LRP2: variants seen among roughly 807,000 people sequenced by gnomAD.
LRP2 encodes low-density lipoprotein receptor-related protein 2.
Under a neutral mutation model 531.0 loss-of-function variants are expected in LRP2, and 172 were observed. That is an observed-to-expected ratio of 0.32 (90% CI 0.29 to 0.37). The LOEUF (loss-of-function observed/expected upper bound fraction) is 0.37. LRP2 is among the 10% of genes least tolerant of loss of function. The pLI is 1.00. For synonymous variants in LRP2, 1,992 were observed against 2,027.6 expected (o/e 0.98, Z 0.47); for missense variants, 5,167 against 5,868.3 (o/e 0.88, Z 3.90).
intron 63 of LRP2, among the ~76,000 whole-genome samples, chr2:169,159,491 C>G (rs1432308525): frequency 6.6e-6 from 1 of 152,128 alleles, no homozygotes; most frequent in Non-Finnish European, 1.5e-5. Flanking sequence ...GCATGAAAGT[C>G]TTATAATAAA....
chr2:169,350,537 A>T (rs746981482), intron 1 of LRP2, among the ~76,000 whole-genome samples: 1 of 152,042 alleles, frequency 6.6e-6, no homozygotes, highest in Non-Finnish European at 1.5e-5. Flanking sequence ...CAGCCTGACC[A>T]GCATGGCAAA....
At chr2:169,285,153 TAAAAAA>T (rs58043794) in intron 9 of LRP2, among the ~76,000 whole-genome samples, 1,394 of 134,692 alleles carry the variant, frequency 0.01, 29 homozygotes, top group African/African-American at 0.033. Flanking sequence ...TACTAAGAAT[TAAAAAA>T]AAAAAAAAAA....
intron 13 of LRP2, among the ~76,000 whole-genome samples, chr2:169,276,433 TAA>T (rs1264077903): frequency 4.6e-5 from 7 of 152,208 alleles, no homozygotes; most frequent in Admixed American, 6.6e-5. Flanking sequence ...AATATAATGC[TAA>T]AACATCCCAA....
At chr2:169,329,354 C>T (rs894637910) in intron 1 of LRP2, among the ~76,000 whole-genome samples, 2 of 152,034 alleles carry the variant, frequency 1.3e-5, no homozygotes, top group Non-Finnish European at 2.9e-5. Context: ...ACCAGCCTGG[C>T]CAACATGGTG....
Position 169,201,659 on chromosome 2 carries a change from A to G in LRP2, c.8421T>C (p.His2807=). The G allele has an allele frequency of 6.2e-7, 1 of 1,614,160 alleles. No individual in the cohort carries two copies. Among genetic ancestry groups the G allele is most frequent in the Non-Finnish European group, 8.5e-7 (1 of 1,180,008 alleles). ...EFICNGVDNC[H]DNNTSDEKNC... The stretch of plus-strand genomic sequence containing the variant: ...TTTTCTCATCTGAAGTGTTATTATC[A>G]TGGCAGTTGTCTACACCATTGCAGA... The change falls in exon 44 of 79, where the codon CAT becomes CAC. Residue 2807 remains histidine, a synonymous_variant. Transcript: ENST00000649046.
intron 4 of LRP2, among the ~76,000 whole-genome samples, chr2:169,304,813 C>A (rs1296210012): frequency 1.3e-5 from 2 of 152,094 alleles, no homozygotes; most frequent in Non-Finnish European, 2.9e-5. Flanking sequence ...TGGAACCAAC[C>A]CAAATGCCTA....
At chr2:169,168,417 G>T in intron 61 of LRP2, 122 bp downstream of exon 61, 1 of 1,218,968 alleles carries the variant, frequency 8.2e-7, no homozygotes, top group Non-Finnish European at 1.2e-6. Flanking sequence ...CACCAACGCT[G>T]ATCCTGTGTC....
intron 1 of LRP2, among the ~76,000 whole-genome samples, chr2:169,347,168 A>T (rs377174126): frequency 6.6e-6 from 1 of 152,148 alleles, no homozygotes; most frequent in African/African-American, 2.4e-5. Context: ...TTACTATCTC[A>T]ACTAACTACT....
chr2:169,241,543 A>G (rs192959772), intron 24 of LRP2, among the ~76,000 whole-genome samples, 178 bp from the exon 25 acceptor site: 1 of 152,318 alleles, frequency 6.6e-6, no homozygotes, highest in African/African-American at 2.4e-5. Flanking sequence ...GTACATAGAA[A>G]TATTTCTTTG....
chr2:169,178,524 C>A (rs141997958), intron 52 of LRP2, among the ~76,000 whole-genome samples: 31 of 152,286 alleles, frequency 2.0e-4, no homozygotes, highest in Non-Finnish European at 3.7e-4. Context: ...CTCAGTATAA[C>A]CTGAGGGGAA....
intron 16 of LRP2, among the ~76,000 whole-genome samples, chr2:169,265,736 T>C (rs1404542816): frequency 1.3e-5 from 2 of 152,036 alleles, no homozygotes; most frequent in Non-Finnish European, 2.9e-5. Flanking sequence ...CACCTACTTA[T>C]GTTTCTCAGG....
Position 169,246,999 on chromosome 2 carries a change from A to G in LRP2, c.2909-13T>C, listed in dbSNP as rs2105394087. ...CAGGCGTTAGAACCTGCAAAAGCAAAGCCCCGAGGGAGTCAGTCATGTACA... is the reference window on the plus strand; with the variant it reads ...CAGGCGTTAGAACCTGCAAAAGCAAGGCCCCGAGGGAGTCAGTCATGTACA... On this transcript the variant is annotated splice_polypyrimidine_tract_variant and intron_variant, in intron 20 of 78. Coordinates refer to ENST00000649046, the MANE Select transcript of LRP2 (RefSeq NM_004525.3). 1 of 1,613,806 alleles carries G rather than the reference A, an allele frequency of 6.2e-7. No homozygotes were observed. The highest frequency in any genetic ancestry group is 2.2e-5 in the East Asian group (1 of 44,880).
Position 169,213,765 on chromosome 2 carries a change from C to T in LRP2, c.5932G>A (p.Glu1978Lys), listed in dbSNP as rs1357352135. 2 of 1,610,354 alleles carry T rather than the reference C, an allele frequency of 1.2e-6. No individual in the cohort carries two copies. The highest frequency in any genetic ancestry group is 1.1e-5 in the South Asian group (1 of 91,004). ...ACTCTTTCAATGACCTCATACTGTTCATCAGTATAATAAAGGAAAGAATCA... is the reference window on the plus strand; with the variant it reads ...ACTCTTTCAATGACCTCATACTGTTTATCAGTATAATAAAGGAAAGAATCA... ...VHDSFLYYTDEQYEVIERVDK... is the reference protein window; with the variant it reads ...VHDSFLYYTDKQYEVIERVDK... Residue 1978 changes from glutamate (E) to lysine (K), a missense_variant, in exon 36 of 79, where the codon GAA (glutamate) becomes AAA (lysine). Glu to Lys is a moderately conservative substitution (Grantham distance 56, BLOSUM62 1). Coordinates refer to ENST00000649046, the MANE Select transcript of LRP2 (RefSeq NM_004525.3).
rs905203438 is a variant in LRP2, at chr2:169,287,912, T to C, written c.1042+1114A>G. Among the ~76,000 whole-genome samples, 97 of 150,152 alleles carry C rather than the reference T, an allele frequency of 6.5e-4. 1 individual carries two copies. The highest frequency in any genetic ancestry group is 1.7e-3 in the Admixed American group (26 of 15,146). On this transcript the variant is annotated intron_variant, in intron 9 of 78. Coordinates refer to ENST00000649046, the MANE Select transcript of LRP2 (RefSeq NM_004525.3). ...AATAATAATTTCAGAAGAAATACTT[T>C]TCTAGAAGCATTTCTTACACATTTC...
intron 22 of LRP2, among the ~76,000 whole-genome samples, chr2:169,244,334 A>G (rs1003043161): frequency 3.3e-5 from 5 of 152,258 alleles, no homozygotes; most frequent in African/African-American, 1.2e-4. Flanking sequence ...AAGAAACATC[A>G]ATAGCCAAAG....
intron 1 of LRP2, among the ~76,000 whole-genome samples, chr2:169,358,620 A>C (rs758489921): frequency 6.6e-6 from 1 of 152,194 alleles, no homozygotes; most frequent in Non-Finnish European, 1.5e-5. Context: ...TAAACATATA[A>C]ACTTCATGTG....
chr2:169,327,133 T>TG (rs1321092114), intron 1 of LRP2, among the ~76,000 whole-genome samples: 4 of 102,894 alleles, frequency 3.9e-5, no homozygotes, highest in Admixed American at 2.9e-4. Flanking sequence ...GGGAGGGAGG[T>TG]GGGGGGGTCA....
At chr2:169,224,681 C>A (rs1325319244) in intron 33 of LRP2, among the ~76,000 whole-genome samples, 1 of 152,188 alleles carries the variant, frequency 6.6e-6, no homozygotes, top group African/African-American at 2.4e-5. Flanking sequence ...CCTTATGCAA[C>A]TTTTATTTAT....
chr2:169,233,274 A>G (rs1689478110), intron 30 of LRP2, 137 bp downstream of exon 30: 1 of 887,272 alleles, frequency 1.1e-6, no homozygotes, highest in Non-Finnish European at 1.9e-6. Context: ...GGGAAAGTAT[A>G]TAGTGGGGTG....
Sources: allele counts gnomAD v4.1 joint callset (sites outside exome capture counted in the v4.1 genomes callset), GRCh38; gene constraint gnomAD v4.1.1; transcripts MANE v1.5; gene names NCBI Gene and HGNC (gene_info 2026-07-23, HGNC 2026-07-21).